The following RSPH14 variants were observed in gnomAD, a reference collection of about 807,000 sequenced individuals.
RSPH14 encodes radial spoke head 14 homolog.
Under a neutral mutation model 26.7 loss-of-function variants are expected in RSPH14, and 20 were observed. The ratio of observed to expected loss-of-function variants is 0.75; its 90% CI spans 0.53 to 1.09. The LOEUF (loss-of-function observed/expected upper bound fraction) is 1.09, where lower values mean the gene tolerates loss of function less well. Among genes scored for constraint, RSPH14 ranks in the 50% least tolerant of loss-of-function variants. The probability of loss-of-function intolerance (pLI) is 0.00; values close to 1 mark genes in which losing one functional copy is unlikely to be tolerated. For missense variants in RSPH14, 449 were observed against 457.2 expected (o/e 0.98, Z 0.16); for synonymous variants, 177 against 189.3 (o/e 0.93, Z 0.53).
intron 4 of RSPH14, among the ~76,000 whole-genome samples, chr22:23,097,347 G>C (rs2069154638): frequency 6.6e-6 from 1 of 152,228 alleles, no homozygotes; most frequent in Admixed American, 6.5e-5. Context: ...GTTCAGCGGA[G>C]AGCAACAATG....
At chr22:23,113,582 A>G (rs1330656014) in intron 4 of RSPH14, among the ~76,000 whole-genome samples, 1 of 152,206 alleles carries the variant, frequency 6.6e-6, no homozygotes, top group East Asian at 1.9e-4. Context: ...GACTGATACC[A>G]TCCTTGGAGT....
chr22:23,075,786 CTT>C (rs1352807754), intron 4 of RSPH14, among the ~76,000 whole-genome samples: 2 of 152,180 alleles, frequency 1.3e-5, no homozygotes, highest in Non-Finnish European at 2.9e-5. Context: ...TAGAGCAAAC[CTT>C]TCAGGAGACC....
chr22:23,151,278 G>C, the RSPH14 span, among the ~76,000 whole-genome samples: 2 of 152,214 alleles, frequency 1.3e-5, no homozygotes. Flanking sequence ...TGATCTCCCT[G>C]ATCCCTTATG....
intron 2 of RSPH14, among the ~76,000 whole-genome samples, chr22:23,139,305 G>A (rs1429443127): frequency 2.0e-5 from 3 of 152,210 alleles, no homozygotes; most frequent in African/African-American, 4.8e-5. Context: ...TTACACCTAC[G>A]GATGCCAGAT....
chr22:23,171,180 A>C, the RSPH14 span, among the ~76,000 whole-genome samples: 3 of 151,988 alleles, frequency 2.0e-5, no homozygotes, highest in South Asian at 2.1e-4. Context: ...GTTGGCCAGG[A>C]TGGTCTCAAT....
intron 3 of RSPH14, 86 bp downstream of exon 3, chr22:23,138,754 G>T: frequency 9.2e-7 from 1 of 1,092,198 alleles, no homozygotes. Context: ...CAACACTCCA[G>T]AGCACTCTAA....
At chr22:23,119,113 G>A (rs56339124) in intron 4 of RSPH14, among the ~76,000 whole-genome samples, 3,146 of 152,320 alleles carry the variant, frequency 0.021, 60 homozygotes, top group Admixed American at 0.058. Context: ...TCAAATAGAC[G>A]GCTCTGTTTT....
intron 4 of RSPH14, chr22:23,131,533 A>G: frequency 9.8e-7 from 1 of 1,024,716 alleles, no homozygotes; most frequent in South Asian, 1.4e-5. Flanking sequence ...GGTGGTATCC[A>G]ATGTTCCTTA....
At chr22:23,122,211 G>A (rs1181894116) in intron 4 of RSPH14, among the ~76,000 whole-genome samples, 1 of 152,230 alleles carries the variant, frequency 6.6e-6, no homozygotes, top group African/African-American at 2.4e-5. Context: ...GAACTGGGGA[G>A]TCAGACAAGA....
chr22:23,167,784 G>A, the RSPH14 span, among the ~76,000 whole-genome samples: 5 of 152,058 alleles, frequency 3.3e-5, no homozygotes, highest in African/African-American at 9.6e-5. Flanking sequence ...CCGGTCTCAA[G>A]CAATCCTCCT....
intron 4 of RSPH14, among the ~76,000 whole-genome samples, chr22:23,105,503 C>T (rs1209236876): frequency 6.6e-6 from 1 of 152,218 alleles, no homozygotes; most frequent in African/African-American, 2.4e-5. Flanking sequence ...GGTGTGGGTC[C>T]GAGGCTGCAG....
intron 4 of RSPH14, among the ~76,000 whole-genome samples, chr22:23,101,344 G>A (rs376863942): frequency 1.3e-4 from 20 of 152,306 alleles, no homozygotes; most frequent in African/African-American, 4.3e-4. Flanking sequence ...TCCTGTGGGT[G>A]CTGGGGTTCT....
At chr22:23,159,044 T>C in the RSPH14 span, 3 of 1,587,780 alleles carry the variant, frequency 1.9e-6, no homozygotes, top group Non-Finnish European at 1.7e-6. Context: ...ACAGCCCTCA[T>C]TGGAGGAGCC....
intron 4 of RSPH14, among the ~76,000 whole-genome samples, chr22:23,083,248 G>A (rs2068729005): frequency 1.3e-5 from 2 of 152,180 alleles, no homozygotes; most frequent in East Asian, 3.9e-4. Context: ...GGTATTGGGG[G>A]TAGTAGGGGA....
chr22:23,072,717 G>A (rs1202082539), intron 4 of RSPH14, among the ~76,000 whole-genome samples: 1 of 152,236 alleles, frequency 6.6e-6, no homozygotes, highest in African/African-American at 2.4e-5. Context: ...CGCCTGGACT[G>A]TTGCAGGGAC....
chr22:23,135,248 C>A (rs1987044), intron 3 of RSPH14, among the ~76,000 whole-genome samples: 3 of 144,078 alleles, frequency 2.1e-5, no homozygotes, highest in South Asian at 2.2e-4. Flanking sequence ...CCAAGGTGGG[C>A]GGATCACTAG....
At chr22:23,073,170 T>C (rs1369798284) in intron 4 of RSPH14, among the ~76,000 whole-genome samples, 2 of 152,240 alleles carry the variant, frequency 1.3e-5, no homozygotes, top group African/African-American at 4.8e-5. Flanking sequence ...CTGCTGACCA[T>C]GGCAGGTGCA....
intron 4 of RSPH14, chr22:23,095,365 C>T (rs886704701): frequency 3.3e-5 from 10 of 307,016 alleles, no homozygotes; most frequent in East Asian, 7.2e-5. Flanking sequence ...AGCAACCAGA[C>T]GGCAGCAGCC....
At chr22:23,154,384 C>T in the RSPH14 span, among the ~76,000 whole-genome samples, 1 of 152,226 alleles carries the variant, frequency 6.6e-6, no homozygotes, top group African/African-American at 2.4e-5. Flanking sequence ...GATAGTGCCC[C>T]CTTCTCTCAG....
Sources: allele counts gnomAD v4.1 joint callset (sites outside exome capture counted in the v4.1 genomes callset), GRCh38; gene constraint gnomAD v4.1.1; transcripts MANE v1.5; gene names NCBI Gene and HGNC (gene_info 2026-07-23, HGNC 2026-07-21).